Variants in FAM83A observed in about 807,000 individuals in gnomAD.
FAM83A encodes protein FAM83A.
Under a neutral mutation model 24.4 loss-of-function variants are expected in FAM83A, and 21 were observed. The observed-to-expected ratio is 0.86, with a 90% CI of 0.61 to 1.24. FAM83A has a LOEUF of 1.24. Among genes scored for constraint, FAM83A ranks in the 50% most tolerant of loss-of-function variants. The pLI, the probability that FAM83A is intolerant of heterozygous loss-of-function variation, is 0.00. For synonymous variants in FAM83A, 270 were observed against 252.4 expected (o/e 1.07, Z -0.66); for missense variants, 617 against 579.8 (o/e 1.06, Z -0.66).
upstream of FAM83A, among the ~76,000 whole-genome samples, chr8:123,181,087 C>T (rs1039536395): frequency 1.3e-5 from 2 of 152,150 alleles, no homozygotes; most frequent in Non-Finnish European, 2.9e-5. Flanking sequence ...GCTGGGACTA[C>T]AGGCGCATAC....
At position 123,209,155 on chromosome 8, in the gene FAM83A, T is replaced by G. The variant is rs1824654477; in HGVS notation, c.*1467T>G. The G allele has an allele frequency of 4.6e-6, 5 of 1,088,752 alleles. No individual in the cohort carries two copies. The African/African-American group carries it at 6.6e-5, about 14-fold the overall frequency. 67.4% of individuals were successfully genotyped at this position (1,088,752 alleles called of 1,614,324 possible). The stretch of plus-strand genomic sequence containing the variant: ...AGGTGCCAACTCCACATCCTTCTCC[T>G]GTTTCTAGGCCCTCTCCTCCCTTGT... On this transcript the variant is annotated 3_prime_UTR_variant, in exon 4 of 4. Transcript: ENST00000690554. The surrounding 1 kb of genome is among the most constrained non-coding windows in gnomAD (Gnocchi z 4.7).
chr8:123,204,904 G>C (rs975055413), intron 3 of FAM83A, among the ~76,000 whole-genome samples: 1 of 152,126 alleles, frequency 6.6e-6, no homozygotes, highest in African/African-American at 2.4e-5. Flanking sequence ...ACAAGGTCAG[G>C]AGTTCAAGAC....
At chr8:123,185,574 C>A (rs1823765320) in intron 1 of FAM83A, among the ~76,000 whole-genome samples, 1 of 152,196 alleles carries the variant, frequency 6.6e-6, no homozygotes, top group Non-Finnish European at 1.5e-5. Flanking sequence ...GTTAGAACTT[C>A]CAGCTCCTCT....
exon 4 of FAM83A, chr8:123,207,543 C>T (rs1273911832): frequency 2.6e-6 from 4 of 1,555,272 alleles, no homozygotes; most frequent in African/African-American, 1.4e-5. Context: ...CACCTCTCCC[C>T]GCGGCCCCAC....
chr8:123,183,151 T>A (rs1346917520), exon 1 of FAM83A: 5 of 1,613,268 alleles, frequency 3.1e-6, no homozygotes, highest in Non-Finnish European at 4.2e-6. Context: ...GGACTCCAGC[T>A]CCCTACAGTC....
upstream of FAM83A, chr8:123,179,525 C>T (rs1823544706): frequency 6.6e-6 from 1 of 152,084 alleles, no homozygotes; most frequent in Admixed American, 6.6e-5. Flanking sequence ...TAAGATAATC[C>T]CTATAAAGAG....
chr8:123,200,234 G>T (rs1004071267), intron 3 of FAM83A, among the ~76,000 whole-genome samples: 1 of 152,168 alleles, frequency 6.6e-6, no homozygotes, highest in African/African-American at 2.4e-5. Context: ...CAGTAGGGAG[G>T]TTCTGCTTGT....
At position 123,207,196 on chromosome 8, in the gene FAM83A, C is replaced by G. The variant is rs781537157; in HGVS notation, c.813C>G (p.Leu271=). ...GCGGACACGTGCACCGGAACATCCTCTCCAAGTTCACAGGCCAGGCGGTGG... is the reference window on the plus strand; with the variant it reads ...GCGGACACGTGCACCGGAACATCCTGTCCAAGTTCACAGGCCAGGCGGTGG... Residue 271 remains leucine (L), a synonymous_variant, in exon 4 of 4, where the codon CTC becomes CTG. Coordinates refer to ENST00000690554, the Ensembl canonical transcript of FAM83A. 3 of 1,610,462 alleles carry G rather than the reference C, an allele frequency of 1.9e-6. No individual in the cohort carries two copies. The South Asian group carries it at 3.3e-5, about 18-fold the overall frequency.
chr8:123,196,022 G>GT (rs1178823395), intron 3 of FAM83A, among the ~76,000 whole-genome samples: 1 of 152,076 alleles, frequency 6.6e-6, no homozygotes, highest in East Asian at 1.9e-4. Context: ...ATTAATTTTT[G>GT]TTTTTTTGAG....
chr8:123,199,020 G>A (rs898221169), intron 3 of FAM83A, among the ~76,000 whole-genome samples: 6 of 152,146 alleles, frequency 3.9e-5, no homozygotes, highest in African/African-American at 4.8e-5. Context: ...GATTACAGGC[G>A]TCAGCCACTG....
upstream of FAM83A, chr8:123,180,161 A>C (rs952384025): frequency 6.6e-6 from 1 of 152,214 alleles, no homozygotes; most frequent in Non-Finnish European, 1.5e-5. Context: ...GTGAGCACTC[A>C]GCGATGGCCA....
chr8:123,203,356 G>A (rs1824424693), intron 3 of FAM83A, among the ~76,000 whole-genome samples: 2 of 152,084 alleles, frequency 1.3e-5, no homozygotes, highest in South Asian at 4.1e-4. Flanking sequence ...GGGAGGCAGA[G>A]GAAGGTGGAT....
intron 1 of FAM83A, among the ~76,000 whole-genome samples, chr8:123,186,529 C>A (rs759262469): frequency 6.6e-6 from 1 of 152,168 alleles, no homozygotes; most frequent in Non-Finnish European, 1.5e-5. Flanking sequence ...TCCCTTCATG[C>A]CCAAATTCCT....
At chr8:123,204,297 C>T (rs138501891) in intron 3 of FAM83A, among the ~76,000 whole-genome samples, 2 of 152,052 alleles carry the variant, frequency 1.3e-5, no homozygotes, top group East Asian at 3.9e-4. Flanking sequence ...AAAGATGTGA[C>T]CTTTTCTTTT....
At chr8:123,182,389 C>A (rs1427829852), upstream of FAM83A, 6 of 358,364 alleles carry the variant, frequency 1.7e-5, no homozygotes, top group Non-Finnish European at 2.8e-5. Context: ...GGAATCGAGG[C>A]ACCCAGGAGG....
rs543686126 is a variant in FAM83A at position 123,192,165 on chromosome 8, C to T, written c.648+195C>T. ...AGCTACATCATGAGAAATACACGGC[C>T]TCTAAGATAACCATGACAGGGAAAG... On this transcript the variant is annotated intron_variant, in intron 2 of 3. Transcript: ENST00000690554. Among the ~76,000 whole-genome samples the T allele has an allele frequency of 2.6e-5, 4 of 152,302 alleles. No homozygotes were observed. In the South Asian group the frequency reaches 8.3e-4, roughly 32 times the overall value.
exon 4 of FAM83A, chr8:123,210,017 C>T: frequency 5.7e-6 from 1 of 176,046 alleles, no homozygotes; most frequent in Non-Finnish European, 1.2e-5. Flanking sequence ...CCCCCACTCC[C>T]ACCCCACCAA....
chr8:123,182,318 C>T (rs1345142635), upstream of FAM83A: 14 of 356,968 alleles, frequency 3.9e-5, no homozygotes, highest in East Asian at 3.7e-4. Context: ...GAGAGGGGGG[C>T]GCATCTCAGG....
Position 123,191,987 on chromosome 8 carries a change from G to A in FAM83A, c.648+17G>A, listed in dbSNP as rs1163484343. The A allele has an allele frequency of 1.2e-6, 2 of 1,613,648 alleles. No individual in the cohort carries two copies. Among genetic ancestry groups the A allele is most frequent in the East Asian group, 2.2e-5 (1 of 44,888 alleles). ...CACCTCAAGGTAGGGGCCCCAATGA[G>A]AGTCCTAAGGGTACTCATATTAGCC... On this transcript the variant is annotated intron_variant, in intron 2 of 3. Coordinates refer to ENST00000690554, the Ensembl canonical transcript of FAM83A.
Sources: allele counts gnomAD v4.1 joint callset (sites outside exome capture counted in the v4.1 genomes callset), GRCh38; gene constraint gnomAD v4.1.1; non-coding constraint Gnocchi (gnomAD v3.1); transcripts MANE v1.5; gene names NCBI Gene and HGNC (gene_info 2026-07-23, HGNC 2026-07-21).